The following PLPPR1 variants were observed in gnomAD, a reference collection of about 807,000 sequenced individuals.
PLPPR1 encodes the protein phospholipid phosphatase-related protein type 1.
A neutral mutation model predicts 33.1 loss-of-function variants in PLPPR1; 10 were observed. That is an observed-to-expected ratio of 0.30 (90% CI 0.19 to 0.51). The LOEUF (loss-of-function observed/expected upper bound fraction) is 0.51. Ranked by LOEUF, PLPPR1 falls within the 20% of genes least tolerant of loss-of-function variation. PLPPR1 has a pLI of 0.97. For missense variants in PLPPR1, 304 were observed against 408.1 expected (o/e 0.74, Z 2.20); for synonymous variants, 151 against 151.0 (o/e 1.00, Z 0.00).
At chr9:101,044,008 T>C (rs992892833) in intron 1 of PLPPR1, among the ~76,000 whole-genome samples, 2 of 152,048 alleles carry the variant, frequency 1.3e-5, no homozygotes, top group Admixed American at 1.3e-4. Context: ...CAAAGATAAA[T>C]AGGTGAGACT....
At chr9:101,035,673 C>T (rs899696398) in intron 1 of PLPPR1, among the ~76,000 whole-genome samples, 1 of 152,122 alleles carries the variant, frequency 6.6e-6, no homozygotes, top group Non-Finnish European at 1.5e-5. Context: ...CATATATAAG[C>T]GTTCAGTAAA....
chr9:101,284,237 C>T (rs1477153614), intron 3 of PLPPR1, among the ~76,000 whole-genome samples: 1 of 152,040 alleles, frequency 6.6e-6, no homozygotes, highest in Non-Finnish European at 1.5e-5. Context: ...GAATCTGCCT[C>T]AGTGTCTGGA....
chr9:101,219,723 G>A (rs1826887274), intron 2 of PLPPR1, among the ~76,000 whole-genome samples: 1 of 152,194 alleles, frequency 6.6e-6, no homozygotes, highest in African/African-American at 2.4e-5. Context: ...CACCTGGACA[G>A]TATTTATCCT....
chr9:101,252,275 GCA>G (rs1444274312), intron 2 of PLPPR1, among the ~76,000 whole-genome samples: 1 of 152,122 alleles, frequency 6.6e-6, no homozygotes, highest in Non-Finnish European at 1.5e-5. Context: ...TTCCATAAAT[GCA>G]CAGTGTTACT....
At chr9:101,046,210 CT>C (rs951965848) in intron 1 of PLPPR1, among the ~76,000 whole-genome samples, 5 of 151,896 alleles carry the variant, frequency 3.3e-5, no homozygotes, top group South Asian at 2.1e-4. Flanking sequence ...GTTTTCTGCC[CT>C]TTTTTTTCCC....
At chr9:101,131,274 C>T (rs1831310532) in intron 1 of PLPPR1, among the ~76,000 whole-genome samples, 1 of 152,264 alleles carries the variant, frequency 6.6e-6, no homozygotes, top group South Asian at 2.1e-4. Flanking sequence ...AACTCCTGAA[C>T]CCGCTCATTA....
At chr9:101,243,772 T>G (rs546604037) in intron 2 of PLPPR1, among the ~76,000 whole-genome samples, 1 of 151,912 alleles carries the variant, frequency 6.6e-6, no homozygotes, top group East Asian at 1.9e-4. Flanking sequence ...AAAGTATAGG[T>G]GGTAGTGGAA....
intron 1 of PLPPR1, among the ~76,000 whole-genome samples, chr9:101,180,376 G>T (rs1332284705): frequency 6.7e-6 from 1 of 150,018 alleles, no homozygotes; most frequent in African/African-American, 2.5e-5. Flanking sequence ...ATTTTTCACA[G>T]AAATAAAAAC....
At position 101,125,364 on chromosome 9, in the gene PLPPR1, CTACT is replaced by C. The variant is rs536597737; in HGVS notation, c.-45-60076_-45-60073del. The C allele has an allele frequency of 1.8e-4, 31 of 173,392 alleles. No individual in the cohort carries two copies. In the South Asian group the frequency reaches 2.8e-3, roughly 16 times the overall value. The allele number at this position is 173,392 out of a possible 1,614,324, so 10.7% of individuals were successfully genotyped here. A position where few individuals can be genotyped will look rare whatever the true frequency, so the allele number is the denominator to read the frequency against. On this transcript the variant is annotated intron_variant, in intron 1 of 7. Coordinates refer to ENST00000374874, the MANE Select transcript of PLPPR1 (RefSeq NM_207299.2). ...CTTATCTCTACTTACTTACTTGTCT[CTACT>C]TACTTACTTGTCTCAATTTATCTCT...
chr9:101,284,930 T>G (rs188395117), intron 3 of PLPPR1, among the ~76,000 whole-genome samples: 170 of 152,290 alleles, frequency 1.1e-3, no homozygotes, highest in African/African-American at 3.7e-3. Context: ...GGCATATGAA[T>G]AGTGGGAAGT....
chr9:101,171,084 A>T (rs1018920348), intron 1 of PLPPR1, among the ~76,000 whole-genome samples: 1 of 152,164 alleles, frequency 6.6e-6, no homozygotes, highest in African/African-American at 2.4e-5. Flanking sequence ...CAGACTTTCC[A>T]TTCAGGCACA....
At chr9:101,277,380 G>A (rs564918053) in intron 3 of PLPPR1, among the ~76,000 whole-genome samples, 1 of 152,334 alleles carries the variant, frequency 6.6e-6, no homozygotes, top group South Asian at 2.1e-4. Flanking sequence ...CAGCAAATGT[G>A]ATGACTTGGG....
At chr9:101,271,365 G>A (rs1437065338) in intron 3 of PLPPR1, among the ~76,000 whole-genome samples, 1 of 152,126 alleles carries the variant, frequency 6.6e-6, no homozygotes, top group African/African-American at 2.4e-5. Context: ...TTCAGGAACA[G>A]GGAAACAAAA....
chr9:101,240,971 A>G (rs942042485), intron 2 of PLPPR1, among the ~76,000 whole-genome samples: 5 of 152,116 alleles, frequency 3.3e-5, no homozygotes. Context: ...TGAACACGGT[A>G]AAACAAGCAA....
intron 1 of PLPPR1, among the ~76,000 whole-genome samples, chr9:101,141,505 G>T (rs964943792): frequency 2.0e-5 from 3 of 152,164 alleles, no homozygotes; most frequent in Non-Finnish European, 4.4e-5. Flanking sequence ...CCTGTTAGAT[G>T]AAATTGAACT....
chr9:101,301,699 T>A (rs906613327), intron 4 of PLPPR1, among the ~76,000 whole-genome samples: 1 of 152,162 alleles, frequency 6.6e-6, no homozygotes, highest in African/African-American at 2.4e-5. Context: ...AAGCACAATA[T>A]ATAGGGCATA....
At chr9:101,183,423 A>G (rs1292668826) in intron 1 of PLPPR1, among the ~76,000 whole-genome samples, 1 of 151,780 alleles carries the variant, frequency 6.6e-6, no homozygotes, top group Non-Finnish European at 1.5e-5. Flanking sequence ...GTATTATATT[A>G]TTCTATTCAT....
intron 1 of PLPPR1, among the ~76,000 whole-genome samples, chr9:101,179,102 G>A (rs191462301): frequency 6.6e-6 from 1 of 152,294 alleles, no homozygotes; most frequent in Non-Finnish European, 1.5e-5. Flanking sequence ...GATGAAATCA[G>A]TCTACTACTC....
intron 2 of PLPPR1, among the ~76,000 whole-genome samples, chr9:101,209,982 A>G (rs77038428): frequency 0.015 from 2,313 of 152,344 alleles, 55 homozygotes; most frequent in African/African-American, 0.051. Context: ...AAAATGAGCC[A>G]TACTTCCTGG....
Sources: allele counts gnomAD v4.1 joint callset (sites outside exome capture counted in the v4.1 genomes callset), GRCh38; gene constraint gnomAD v4.1.1; transcripts MANE v1.5; gene names NCBI Gene and HGNC (gene_info 2026-07-23, HGNC 2026-07-21).